Variants in ZFC3H1 observed in about 807,000 individuals in gnomAD.
The protein encoded by ZFC3H1 is zinc finger C3H1-type containing, also known as zinc finger C3H1 domain-containing protein.
In ZFC3H1, 71 loss-of-function variants were observed where a neutral mutation model predicts 243.7. The observed-to-expected ratio is 0.29, with a 90% confidence interval of 0.24 to 0.36. The LOEUF (loss-of-function observed/expected upper bound fraction) is 0.36, where lower values mean the gene tolerates loss of function less well. ZFC3H1 is among the 10% of genes least tolerant of loss of function. The pLI, the probability that ZFC3H1 is intolerant of heterozygous loss-of-function variation, is 1.00. For missense variants in ZFC3H1, 1,966 were observed against 2,317.1 expected (o/e 0.85, Z 3.11); for synonymous variants, 838 against 813.0 (o/e 1.03, Z -0.52).
intron 20 of ZFC3H1, 136 bp downstream of exon 20, chr12:71,628,782 A>T: frequency 1.2e-6 from 1 of 823,162 alleles, no homozygotes; most frequent in South Asian, 2.3e-5. Flanking sequence ...TTGTCTAAAA[A>T]CCCAATGGCA....
intron 1 of ZFC3H1, among the ~76,000 whole-genome samples, chr12:71,661,546 A>G (rs1881177760): frequency 6.9e-6 from 1 of 145,906 alleles, no homozygotes; most frequent in Non-Finnish European, 1.5e-5. Flanking sequence ...GCAGTGGTGC[A>G]ATCTCTGCTC....
chr12:71,620,623 T>G (rs1363309248), intron 24 of ZFC3H1, among the ~76,000 whole-genome samples: 1 of 152,190 alleles, frequency 6.6e-6, no homozygotes, highest in Non-Finnish European at 1.5e-5. Context: ...TCCTAAATTC[T>G]TTAAAATCCA....
At position 71,638,427 on chromosome 12, in the gene ZFC3H1, AGGT is replaced by A. The variant is rs1373995808; in HGVS notation, c.1713_1715del (p.Pro572del). 1.9e-6 allele frequency: 3 copies of A among 1,611,976 alleles called. No homozygotes were observed. The East Asian group carries it at 6.7e-5, about 36-fold the overall frequency. ...ATCAATTCTGACTTACAGAAACCTG[AGGT>A]GGTGGAGGCAAAGAAAGAGATGGTG... On this transcript the variant is annotated inframe_deletion, in exon 7 of 35. Transcript: ENST00000378743.
intron 1 of ZFC3H1, 61 bp downstream of exon 1, chr12:71,662,952 G>A (rs780488715): frequency 4.1e-6 from 6 of 1,467,878 alleles, no homozygotes; most frequent in Non-Finnish European, 5.5e-6. Context: ...CACAGACCTA[G>A]TAATGACGCT....
chr12:71,626,568 G>T, intron 21 of ZFC3H1, 122 bp from the exon 22 acceptor site: 4 of 885,354 alleles, frequency 4.5e-6, no homozygotes, highest in South Asian at 2.4e-5. Context: ...AAGAAGTCAG[G>T]ATCACTTATG....
Position 71,652,970 on chromosome 12 carries a change from T to C in ZFC3H1, c.1015+3915A>G, listed in dbSNP as rs146386764. 7.3e-5 allele frequency among the ~76,000 whole-genome samples: 11 copies of C among 150,264 alleles called. 1 individual carries two copies. Among genetic ancestry groups the C allele is most frequent in the African/African-American group, 2.7e-4 (11 of 41,018 alleles). ...AAAATTCAAAAAAAAACAACGACCATCTCATATTACAACAAAACAAAATCA... is the reference window on the plus strand; with the variant it reads ...AAAATTCAAAAAAAAACAACGACCACCTCATATTACAACAAAACAAAATCA... On this transcript the variant is annotated intron_variant, in intron 2 of 34. Transcript: ENST00000378743.
chr12:71,626,858 GTTCTTT>G (rs1405743957), intron 21 of ZFC3H1, among the ~76,000 whole-genome samples: 1 of 152,170 alleles, frequency 6.6e-6, no homozygotes, highest in Non-Finnish European at 1.5e-5. Context: ...CAGTATAATA[GTTCTTT>G]TCAACGGTCA....
chr12:71,622,937 T>C (rs1045884880), intron 24 of ZFC3H1, among the ~76,000 whole-genome samples: 1 of 152,000 alleles, frequency 6.6e-6, no homozygotes, highest in Admixed American at 6.6e-5. Context: ...TATCATTTAA[T>C]ATAGAGAAGC....
At chr12:71,644,022 G>T in intron 5 of ZFC3H1, 73 bp downstream of exon 5, 1 of 1,302,992 alleles carries the variant, frequency 7.7e-7, no homozygotes, top group South Asian at 1.4e-5. Context: ...TTCCTTATTT[G>T]ACAGAATCTA....
intron 31 of ZFC3H1, 72 bp from the exon 32 acceptor site, chr12:71,611,959 CAAT>C (rs1233922865): frequency 3.3e-5 from 28 of 846,686 alleles, no homozygotes; most frequent in Non-Finnish European, 4.1e-5. Flanking sequence ...TCTATGAGCA[CAAT>C]GACGAAGTAT....
At position 71,614,638 on chromosome 12, in the gene ZFC3H1, A is replaced by G. The variant is rs1381436095; in HGVS notation, c.5423T>C (p.Phe1808Ser). ...ACATCTATTCACTAAATCAGTAAAA[A>G]ATTTGAATTCTTGAACTTTGTTTCT... The part of the protein sequence containing the change: ...GSRNKVQEFK[F>S]FTDLVNRCLV... Residue 1808 changes from phenylalanine to serine, a missense_variant, in exon 30 of 35, where the codon TTT becomes TCT. Around this residue, in one of 4 missense-constraint regions of ZFC3H1, gnomAD observed 1,383 missense variants for 1,723.7 expected, o/e 0.80. Transcript: ENST00000378743. 6.2e-7 allele frequency: 1 copy of G among 1,613,312 alleles called. No individual in the cohort carries two copies. Among genetic ancestry groups the G allele is most frequent in the Non-Finnish European group, 8.5e-7 (1 of 1,179,648 alleles).
intron 22 of ZFC3H1, among the ~76,000 whole-genome samples, chr12:71,625,630 C>A (rs1469305608): frequency 1.3e-5 from 2 of 152,164 alleles, no homozygotes; most frequent in Admixed American, 1.3e-4. Flanking sequence ...GTAGAGGCTG[C>A]AGTGAGTCAC....
intron 3 of ZFC3H1, among the ~76,000 whole-genome samples, chr12:71,645,769 T>C (rs1212247832): frequency 6.6e-6 from 1 of 152,214 alleles, no homozygotes; most frequent in African/African-American, 2.4e-5. Flanking sequence ...TTTTTTCCAA[T>C]TGAAATAACT....
chr12:71,658,384 G>A (rs1271959827), intron 1 of ZFC3H1, among the ~76,000 whole-genome samples: 1 of 149,530 alleles, frequency 6.7e-6, no homozygotes, highest in Non-Finnish European at 1.5e-5. Context: ...CGTCTCCCAG[G>A]CTCAAGCAAT....
At chr12:71,616,081 G>A (rs761699970) in intron 27 of ZFC3H1, among the ~76,000 whole-genome samples, 3 of 152,108 alleles carry the variant, frequency 2.0e-5, no homozygotes, top group Non-Finnish European at 4.4e-5. Flanking sequence ...CTTAAGGTCA[G>A]GAGTTCAAGA....
chr12:71,645,626 G>C (rs1186954942), intron 3 of ZFC3H1, among the ~76,000 whole-genome samples: 1 of 152,108 alleles, frequency 6.6e-6, no homozygotes, highest in East Asian at 1.9e-4. Flanking sequence ...ATAGAGATTT[G>C]CTTACAGCTG....
In ZFC3H1 at chr12:71,619,325, C is replaced by G. The variant is rs764391528; in HGVS notation, c.5134G>C (p.Asp1712His). 1 of 1,613,394 alleles carries G rather than the reference C, an allele frequency of 6.2e-7. No individual in the cohort carries two copies. The highest frequency in any genetic ancestry group is 8.5e-7 in the Non-Finnish European group (1 of 1,179,628). Residue 1712 changes from aspartate (D) to histidine (H), a missense_variant, in exon 27 of 35, where the codon GAT becomes CAT. Transcript: ENST00000378743. ...AATTCTACAACTTACCGAAACAGAT[C>G]CAAGTTATTATACTTCTCAAACCCC... ...KPGFEKYNNL[D>H]LFRYLLNIPG...
chr12:71,626,207 T>TACACACACACAC, intron 22 of ZFC3H1, 53 bp downstream of exon 22: 2 of 1,340,534 alleles, frequency 1.5e-6, no homozygotes, highest in African/African-American at 3.6e-5. Context: ...TCCAAATAAT[T>TACACACACACAC]ATACACACAC....
At chr12:71,614,987 G>C in intron 28 of ZFC3H1, 49 bp from the exon 29 acceptor site, 1 of 1,453,482 alleles carries the variant, frequency 6.9e-7, no homozygotes, top group Non-Finnish European at 9.6e-7. Context: ...ATTTCCATCA[G>C]GTGAAGGAAT....
Sources: gnomAD v4.1 joint callset for allele counts (sites outside exome capture counted in the v4.1 genomes callset) on GRCh38, gnomAD v4.1.1 for gene constraint, gnomAD v4.1.1 regional missense constraint, MANE v1.5 for transcripts, NCBI Gene and HGNC (gene_info 2026-07-23, HGNC 2026-07-21) for gene names.